ZNF160: variants seen among roughly 807,000 people sequenced by gnomAD.
The protein encoded by ZNF160 is zinc finger protein 160, also known as KRAB zinc finger protein KR18.
ZNF160 carries 9 observed loss-of-function variants against 13.1 expected under a neutral mutation model. That is an observed-to-expected ratio of 0.69 (90% CI 0.41 to 1.20). The LOEUF (loss-of-function observed/expected upper bound fraction) is 1.20, where lower values mean the gene tolerates loss of function less well. Among genes scored for constraint, ZNF160 ranks in the 50% most tolerant of loss-of-function variants. The probability of loss-of-function intolerance (pLI) is 0.01; values close to 1 mark genes in which losing one functional copy is unlikely to be tolerated. For missense variants in ZNF160, 838 were observed against 988.0 expected (o/e 0.85, Z 2.04); for synonymous variants, 293 against 333.2 (o/e 0.88, Z 1.31).
chr19:53,075,281 G>A, intron 3 of ZNF160, 98 bp from the exon 4 acceptor site: 1 of 1,481,950 alleles, frequency 6.7e-7, no homozygotes, highest in Non-Finnish European at 9.2e-7. Flanking sequence ...AGGTTAAATT[G>A]AAGTGGGTGA....
Position 53,086,326 on chromosome 19 carries a change from G to C in ZNF160, c.-45-5C>G. The C allele has an allele frequency of 6.4e-7, 1 of 1,560,532 alleles. No individual in the cohort carries two copies. The highest frequency in any genetic ancestry group is 1.2e-5 in the South Asian group (1 of 81,792). On this transcript the variant is annotated splice_region_variant and splice_polypyrimidine_tract_variant and intron_variant, in intron 2 of 5. Transcript: ENST00000683776. ...CCTCTTCTTCCAGACTTCTTCCTTG[G>C]GTAACATAAAAGAGTCTTTAGAAGT...
chr19:53,090,987 G>A (rs967928999), intron 2 of ZNF160: 7 of 152,232 alleles, frequency 4.6e-5, no homozygotes, highest in Admixed American at 2.0e-4. Context: ...AGTGACCCCT[G>A]ACCTCTCATG....
At position 53,068,017 on chromosome 19, in the gene ZNF160, G is replaced by C. The variant is rs1228733528; in HGVS notation, c.*60C>G. ...CTGTCACTACATTTGTAAGGATTCT[G>C]TCAAGAATGAAATTAACTGATGTGA... On this transcript the variant is annotated 3_prime_UTR_variant, in exon 6 of 6. Transcript: ENST00000683776. 2.6e-6 allele frequency: 4 copies of C among 1,532,618 alleles called. No individual in the cohort carries two copies. Among genetic ancestry groups the C allele is most frequent in the Non-Finnish European group, 8.8e-7 (1 of 1,139,934 alleles). The allele number at this position is 1,532,618 out of a possible 1,614,324, so 94.9% of individuals were successfully genotyped here.
intron 5 of ZNF160, among the ~76,000 whole-genome samples, chr19:53,071,213 A>G (rs1383328201): frequency 6.6e-6 from 1 of 151,796 alleles, no homozygotes; most frequent in Non-Finnish European, 1.5e-5. Flanking sequence ...AAATAAAAAA[A>G]TTAGTTTGGC....
Position 53,069,977 on chromosome 19 carries a change from T to C in ZNF160, c.557A>G (p.His186Arg), listed in dbSNP as rs954321904. 2 of 1,614,172 alleles carry C rather than the reference T, an allele frequency of 1.2e-6. No homozygotes were observed. The highest frequency in any genetic ancestry group is 1.7e-5 in the Admixed American group (1 of 60,020). The stretch of plus-strand genomic sequence containing the variant: ...TAGCTGCAGTTCAGGCAGATGAGAA[T>C]GAAAGCTTACTCCAAGCTGATTGTT... ...LMNNQLGVSF[H>R]SHLPELQLFQ... Residue 186 changes from histidine (H) to arginine (R), a missense_variant, in exon 6 of 6, where the codon CAT becomes CGT. Transcript: ENST00000683776. The surrounding 1 kb of genome is among the most constrained non-coding windows in gnomAD (Gnocchi z 4.4).
intron 4 of ZNF160, among the ~76,000 whole-genome samples, chr19:53,074,522 T>A (rs1240409974): frequency 6.6e-6 from 1 of 151,634 alleles, no homozygotes; most frequent in Non-Finnish European, 1.5e-5. Flanking sequence ...AAAAAAAAAT[T>A]ATCCAGGTGT....
Position 53,091,489 on chromosome 19 carries a change from G to C in ZNF160, c.-122C>G, listed in dbSNP as rs2085033399. The C allele has an allele frequency of 6.6e-6, 1 of 152,314 alleles. No individual in the cohort carries two copies. Among genetic ancestry groups the C allele is most frequent in the African/African-American group, 2.4e-5 (1 of 41,448 alleles). 9.4% of individuals were successfully genotyped at this position (152,314 alleles called of 1,614,324 possible). ...TGGGTCCCCTGTAGGCGGGGCCCGG[G>C]GCAGGCGCCTCGTGCAGAGAGGCCA... On this transcript the variant is annotated 5_prime_UTR_variant, in exon 2 of 6. Coordinates refer to ENST00000683776, the MANE Select transcript of ZNF160 (RefSeq NM_001322131.2).
At chr19:53,089,588 T>G (rs561636335) in intron 2 of ZNF160, among the ~76,000 whole-genome samples, 2 of 152,314 alleles carry the variant, frequency 1.3e-5, no homozygotes, top group South Asian at 2.1e-4. Flanking sequence ...GCCATAATTA[T>G]AAAATGCATA....
At chr19:53,096,473 G>A in intron 1 of ZNF160, among the ~76,000 whole-genome samples, 1 of 150,890 alleles carries the variant, frequency 6.6e-6, no homozygotes, top group Non-Finnish European at 1.5e-5. Context: ...TGGGATCCCT[G>A]TCTGAGGCTC....
intron 3 of ZNF160, chr19:53,085,722 G>C (rs775816838): frequency 2.3e-5 from 7 of 305,304 alleles, no homozygotes; most frequent in Non-Finnish European, 3.7e-5. Context: ...TGGAATGAAA[G>C]AATCATCTAT....
At chr19:53,086,401 C>G in intron 2 of ZNF160, 80 bp from the exon 3 acceptor site, 6 of 1,265,156 alleles carry the variant, frequency 4.7e-6, no homozygotes, top group Non-Finnish European at 6.4e-6. Flanking sequence ...ATCTATACAT[C>G]CCCTTCATGT....
chr19:53,074,146 C>T lies in ZNF160; in HGVS notation c.265G>A (p.Val89Ile). The change falls in exon 5 of 6, where the codon GTC becomes ATC. Residue 89 changes from valine to isoleucine, a missense_variant. This residue lies in a region of ZNF160 where 387 missense variants were observed against 402.3 expected (regional missense o/e 0.96). Transcript: ENST00000683776. ...TGCCCATCTGAGCTCTTACCTGTGACCACGCCTTTGACACATTCCGGCGTT... is the reference window on the plus strand; with the variant it reads ...TGCCCATCTGAGCTCTTACCTGTGATCACGCCTTTGACACATTCCGGCGTT... The part of the protein sequence containing the change: ...PRTPECVKGV[V>I]TDIPPKCTIK... The T allele has an allele frequency of 1.9e-6, 3 of 1,613,984 alleles. No homozygotes were observed. Among genetic ancestry groups the T allele is most frequent in the Non-Finnish European group, 2.5e-6 (3 of 1,179,944 alleles).
chr19:53,088,977 A>T (rs2084941565), intron 2 of ZNF160, among the ~76,000 whole-genome samples: 1 of 152,220 alleles, frequency 6.6e-6, no homozygotes, highest in African/African-American at 2.4e-5. Context: ...GGTTTGAATA[A>T]CTAGCTAGCA....
chr19:53,086,826 G>A (rs1208687644), intron 2 of ZNF160, among the ~76,000 whole-genome samples: 1 of 152,166 alleles, frequency 6.6e-6, no homozygotes, highest in African/African-American at 2.4e-5. Flanking sequence ...TCTGCAAAAC[G>A]CCTAGGCACT....
rs571189090 is a variant in ZNF160 at position 53,068,491 on chromosome 19, T to C, written c.2043A>G (p.Gln681=). 1.1e-5 allele frequency: 17 copies of C among 1,613,736 alleles called. No homozygotes were observed. The highest frequency in any genetic ancestry group is 7.7e-5 in the South Asian group (7 of 91,032). Residue 681 remains glutamine, a synonymous_variant, in exon 6 of 6, where the codon CAA becomes CAG. Transcript: ENST00000683776. ...HTGEKPYKCN[Q]CGKVFTQNSH... is the part of the protein sequence containing the mutation. Reference sequence around the variant, plus strand: ...AGTTCTGAGTGAAGACCTTGCCACATTGATTACATTTGTAAGGCTTCTCTC... The same window carrying C: ...AGTTCTGAGTGAAGACCTTGCCACACTGATTACATTTGTAAGGCTTCTCTC...
intron 1 of ZNF160, among the ~76,000 whole-genome samples, chr19:53,094,971 A>G (rs2085168231): frequency 7.0e-6 from 1 of 143,852 alleles, no homozygotes; most frequent in Non-Finnish European, 1.5e-5. Flanking sequence ...CCACCCTCCC[A>G]TCCCGCCGCC....
intron 3 of ZNF160, chr19:53,085,779 G>A (rs1600869991): frequency 4.6e-6 from 2 of 431,514 alleles, no homozygotes; most frequent in Non-Finnish European, 8.3e-6. Flanking sequence ...CAGTCTTTAC[G>A]AGTTTGGAGT....
chr19:53,099,646 A>G (rs956894434), intron 1 of ZNF160, among the ~76,000 whole-genome samples: 1 of 152,208 alleles, frequency 6.6e-6, no homozygotes, highest in African/African-American at 2.4e-5. Flanking sequence ...GTTTTGTTTT[A>G]AATTTTAAAG....
chr19:53,078,662 T>C (rs1349421550), intron 3 of ZNF160, among the ~76,000 whole-genome samples: 2 of 151,986 alleles, frequency 1.3e-5, no homozygotes, highest in East Asian at 1.9e-4. Flanking sequence ...CTAAGGGAAG[T>C]GTGGAACACC....
Sources: allele counts gnomAD v4.1 joint callset (sites outside exome capture counted in the v4.1 genomes callset), GRCh38; gene constraint gnomAD v4.1.1; regional missense constraint gnomAD v4.1.1; non-coding constraint Gnocchi (gnomAD v3.1); transcripts MANE v1.5; gene names NCBI Gene and HGNC (gene_info 2026-07-23, HGNC 2026-07-21).